The following HKDC1 variants were observed in gnomAD, a reference collection of about 807,000 sequenced individuals.
HKDC1 encodes hexokinase HKDC1.
HKDC1 carries 66 observed loss-of-function variants against 96.6 expected under a neutral mutation model. That is an observed-to-expected ratio of 0.68 (90% CI 0.56 to 0.84). HKDC1 has a LOEUF of 0.84. Among genes scored for constraint, HKDC1 ranks in the 40% least tolerant of loss-of-function variants. The pLI is 0.00. For synonymous variants in HKDC1, 466 were observed against 473.1 expected (o/e 0.98, Z 0.20); for missense variants, 1,211 against 1,208.1 (o/e 1.00, Z -0.04).
At chr10:69,228,365 C>A (rs1188894813) in intron 2 of HKDC1, among the ~76,000 whole-genome samples, 1 of 152,180 alleles carries the variant, frequency 6.6e-6, no homozygotes, top group Non-Finnish European at 1.5e-5. Flanking sequence ...AGCTGATGAG[C>A]AATTTTGATC....
In HKDC1 at chr10:69,246,626, C is replaced by T. The variant is rs117129259; in HGVS notation, c.1031+392C>T. Among the ~76,000 whole-genome samples, 215 of 152,366 alleles carry T rather than the reference C, an allele frequency of 1.4e-3. 5 individuals carry two copies. The East Asian group carries it at 0.04, about 28-fold the overall frequency. On this transcript the variant is annotated intron_variant, in intron 8 of 17. Coordinates refer to ENST00000354624, the MANE Select transcript of HKDC1 (RefSeq NM_025130.4). ...TCAGGGCATCCTTGGACACTAAGCTCATTGTGGAATCCAAGTCCAGAACTC... is the reference window on the plus strand; with the variant it reads ...TCAGGGCATCCTTGGACACTAAGCTTATTGTGGAATCCAAGTCCAGAACTC...
intron 15 of HKDC1, among the ~76,000 whole-genome samples, chr10:69,260,258 G>A (rs1244593511): frequency 6.6e-6 from 1 of 152,178 alleles, no homozygotes; most frequent in African/African-American, 2.4e-5. Flanking sequence ...GGCCCTGGTG[G>A]TTTCTTTCCT....
At chr10:69,222,194 C>T (rs964119729) in intron 1 of HKDC1, among the ~76,000 whole-genome samples, 1 of 152,192 alleles carries the variant, frequency 6.6e-6, no homozygotes, top group Admixed American at 6.5e-5. Context: ...TGTACTCCAG[C>T]CTGGGCAACA....
At chr10:69,247,292 C>A in intron 8 of HKDC1, 68 bp from the exon 9 acceptor site, 2 of 1,057,268 alleles carry the variant, frequency 1.9e-6, no homozygotes, top group South Asian at 1.3e-5. Flanking sequence ...GGTGGAGAAG[C>A]TTGTTCCCCC....
chr10:69,257,502 G>A, intron 14 of HKDC1, 76 bp downstream of exon 14: 2 of 1,157,516 alleles, frequency 1.7e-6, no homozygotes, highest in Non-Finnish European at 2.6e-6. Context: ...TAGTGAGAGG[G>A]TGGGCATTGT....
At chr10:69,262,150 C>A (rs1415710598) in intron 16 of HKDC1, 4 of 368,374 alleles carry the variant, frequency 1.1e-5, no homozygotes, top group African/African-American at 4.3e-5. Context: ...AGCTGGAATA[C>A]TTCTAGAAAG....
intron 12 of HKDC1, among the ~76,000 whole-genome samples, chr10:69,256,811 G>A (rs1026690006): frequency 2.0e-5 from 3 of 152,188 alleles, no homozygotes; most frequent in Non-Finnish European, 4.4e-5. Flanking sequence ...CCCTTGAGGA[G>A]TATGAATTGC....
rs754527289 is a variant in HKDC1 at position 69,246,063 on chromosome 10, G to C, written c.876-16G>C. The stretch of plus-strand genomic sequence containing the variant: ...TCAAAGGGGCTGCGTCCACAGATCT[G>C]TTCACCAACCTGCAGGTTCGAGAAG... On this transcript the variant is annotated splice_polypyrimidine_tract_variant and intron_variant, in intron 7 of 17. Coordinates refer to ENST00000354624, the MANE Select transcript of HKDC1 (RefSeq NM_025130.4). The C allele has an allele frequency of 1.9e-6, 3 of 1,613,410 alleles. No individual in the cohort carries two copies. In the African/African-American group the frequency reaches 4.0e-5, roughly 22 times the overall value.
intron 16 of HKDC1, among the ~76,000 whole-genome samples, chr10:69,263,538 G>A (rs965434060): frequency 6.6e-6 from 1 of 152,202 alleles, no homozygotes; most frequent in African/African-American, 2.4e-5. Context: ...TTCTCCGGGG[G>A]AAGTGCCCTG....
intron 8 of HKDC1, among the ~76,000 whole-genome samples, chr10:69,246,493 T>A (rs1167323697): frequency 6.6e-6 from 1 of 152,224 alleles, no homozygotes; most frequent in African/African-American, 2.4e-5. Flanking sequence ...CTTGTTAAAG[T>A]GGTAACTTGT....
chr10:69,231,386 CA>C (rs1227089487), intron 2 of HKDC1, among the ~76,000 whole-genome samples: 2 of 152,144 alleles, frequency 1.3e-5, no homozygotes, highest in Non-Finnish European at 2.9e-5. Context: ...AGCCACCTTC[CA>C]ACCTCATTTC....
chr10:69,229,263 G>A (rs904625344), intron 2 of HKDC1, among the ~76,000 whole-genome samples: 7 of 152,204 alleles, frequency 4.6e-5, no homozygotes, highest in African/African-American at 1.4e-4. Flanking sequence ...CCTCTCTGGA[G>A]CAATGCCTGG....
intron 6 of HKDC1, among the ~76,000 whole-genome samples, chr10:69,241,655 T>C (rs1328811655): frequency 6.6e-6 from 1 of 152,102 alleles, no homozygotes; most frequent in Non-Finnish European, 1.5e-5. Flanking sequence ...GGCCAATTTT[T>C]TGTATTTTTA....
chr10:69,261,105 G>C (rs1291234983), intron 15 of HKDC1, 34 bp from the exon 16 acceptor site: 2 of 1,597,422 alleles, frequency 1.3e-6, no homozygotes, highest in African/African-American at 2.7e-5. Flanking sequence ...TGCATTGCAG[G>C]TCTGCCCCAA....
Position 69,261,270 on chromosome 10 carries a change from C to A in HKDC1, c.2348C>A (p.Thr783Asn), listed in dbSNP as rs1481529073. ...CTCCGGACCAGGGGCATCTTCGAAA[C>A]CAAGTTCCTGTCCCAGATCGAAAGG... is the stretch of plus-strand genomic sequence containing the variant. Reference protein sequence around the residue: ...ERLRTRGIFETKFLSQIESDR... With the variant: ...ERLRTRGIFENKFLSQIESDR... Residue 783 changes from threonine to asparagine, a missense_variant, in exon 16 of 18, where the codon ACC (threonine) becomes AAC (asparagine). Transcript: ENST00000354624. 3 of 1,614,090 alleles carry A rather than the reference C, an allele frequency of 1.9e-6. No homozygotes were observed. The highest frequency in any genetic ancestry group is 1.7e-5 in the Admixed American group (1 of 60,022).
chr10:69,265,597 C>G lies in HKDC1; in HGVS notation c.2385C>G (p.Ala795=), dbSNP rs780596097. ...FLSQIESDRL[A]LLQVRRILQQ... ...CTATTGCCTGCAGCGATCGGCTGGC[C>G]CTTCTCCAGGTCAGGAGGATTCTGC... Residue 795 remains alanine (A), a synonymous_variant, in exon 17 of 18, where the codon GCC becomes GCG. Transcript: ENST00000354624. 3 of 1,613,410 alleles carry G rather than the reference C, an allele frequency of 1.9e-6. No individual in the cohort carries two copies. Among genetic ancestry groups the G allele is most frequent in the Non-Finnish European group, 1.7e-6 (2 of 1,179,888 alleles).
chr10:69,238,614 G>A lies in HKDC1; in HGVS notation c.496-428G>A, dbSNP rs560162910. 7.1e-5 allele frequency among the ~76,000 whole-genome samples: 2 copies of A among 28,340 alleles called. 1 individual carries two copies. Among genetic ancestry groups the A allele is most frequent in the South Asian group, 1.6e-3 (2 of 1,288 alleles). 18.6% of individuals were successfully genotyped at this position (28,340 alleles called of 152,430 possible). A position where few individuals can be genotyped will look rare whatever the true frequency, so the allele number is the denominator to read the frequency against. On this transcript the variant is annotated intron_variant, in intron 4 of 17. Coordinates refer to ENST00000354624, the MANE Select transcript of HKDC1 (RefSeq NM_025130.4). ...GATGGTCTCGATCTCCTGACCTCAT[G>A]ATCCACCCGCCTCGGCCTCCCAAAG...
rs10128506 is a variant in HKDC1, at chr10:69,233,401, C to T, written c.495+268C>T. 0.47 allele frequency among the ~76,000 whole-genome samples: 70,814 copies of T among 151,902 alleles called. 16,956 individuals carry two copies. Among genetic ancestry groups the T allele is most frequent in the East Asian group, 0.76 (3,892 of 5,138 alleles). On this transcript the variant is annotated intron_variant, in intron 4 of 17. Coordinates refer to ENST00000354624, the MANE Select transcript of HKDC1 (RefSeq NM_025130.4). ...TTGGTGTGAGGAATTCCTTGGAGGG[C>T]TTGTTTTAAGCACAGATTGCTGGGC... is the stretch of plus-strand genomic sequence containing the variant.
rs768085074 is a variant in HKDC1 at position 69,253,124 on chromosome 10, GC to G, written c.1836+2473del. Among the ~76,000 whole-genome samples the G allele has an allele frequency of 1.6e-4, 24 of 152,194 alleles. No homozygotes were observed. The South Asian group carries it at 1.7e-3, about 11-fold the overall frequency. On this transcript the variant is annotated intron_variant, in intron 12 of 17. Transcript: ENST00000354624. ...GGAAGGTCAGTATTGTGTGTTTTTT[GC>G]ATGGTTTTTTTGGTAAACTAGCTTG...
Sources: gnomAD v4.1 joint callset for allele counts (sites outside exome capture counted in the v4.1 genomes callset) on GRCh38, gnomAD v4.1.1 for gene constraint, MANE v1.5 for transcripts, NCBI Gene and HGNC (gene_info 2026-07-23, HGNC 2026-07-21) for gene names.